The following ROBO1 variants were observed in gnomAD, a reference collection of about 807,000 sequenced individuals.
The protein encoded by ROBO1 is roundabout homolog 1.
In ROBO1, 149 loss-of-function variants were observed where a neutral mutation model predicts 195.9. The observed-to-expected ratio is 0.76, with a 90% CI of 0.67 to 0.87. The LOEUF is 0.87. Among genes scored for constraint, ROBO1 ranks in the 40% least tolerant of loss-of-function variants. The pLI, the probability that ROBO1 is intolerant of heterozygous loss-of-function variation, is 0.00. For synonymous variants in ROBO1, 816 were observed against 733.2 expected, an observed-to-expected ratio of 1.11 and a Z score of -1.82; for missense variants, 1,933 against 2,068.3, an observed-to-expected ratio of 0.93 and a Z score of 1.27.
chr3:79,210,830 C>T (rs2081955086), intron 2 of ROBO1, among the ~76,000 whole-genome samples: 1 of 151,968 alleles, frequency 6.6e-6, no homozygotes, highest in African/African-American at 2.4e-5. Flanking sequence ...GTGTATGGAA[C>T]GATTAGCTTG....
In ROBO1 at chr3:78,617,657, T is replaced by A. The variant is rs758898756; in HGVS notation, c.4260A>T (p.Arg1420=). ...CACCAGCAGCATCCTGCATTTGCCG[T>A]CGTGCTACTTTCAGACCAGCATACT... ...AAEYAGLKVA[R]RQMQDAAGRR... is the part of the protein sequence containing the mutation. Residue 1420 remains arginine (R), a synonymous_variant, in exon 27 of 31, where the codon CGA becomes CGT. Coordinates refer to ENST00000464233, the MANE Select transcript of ROBO1 (RefSeq NM_002941.4). 3.1e-6 allele frequency: 5 copies of A among 1,612,690 alleles called. No homozygotes were observed. Among genetic ancestry groups the A allele is most frequent in the Non-Finnish European group, 2.5e-6 (3 of 1,179,180 alleles).
At chr3:78,853,662 A>T (rs1268227376) in intron 4 of ROBO1, among the ~76,000 whole-genome samples, 1 of 151,968 alleles carries the variant, frequency 6.6e-6, no homozygotes, top group African/African-American at 2.4e-5. Context: ...ATGTGGCTGA[A>T]CCTCATCCAA....
At chr3:79,646,854 G>A (rs1179503327) in intron 1 of ROBO1, among the ~76,000 whole-genome samples, 1 of 151,998 alleles carries the variant, frequency 6.6e-6, no homozygotes, top group Non-Finnish European at 1.5e-5. Flanking sequence ...GGAGGTAAAA[G>A]AGCAGATCCC....
intron 2 of ROBO1, among the ~76,000 whole-genome samples, chr3:79,516,948 T>A (rs771499367): frequency 1.3e-5 from 2 of 152,196 alleles, no homozygotes; most frequent in Admixed American, 6.5e-5. Context: ...CACATGAGAG[T>A]AGGTGTTCCC....
chr3:79,190,903 T>C (rs1280592564), intron 2 of ROBO1, among the ~76,000 whole-genome samples: 1 of 151,558 alleles, frequency 6.6e-6, no homozygotes, highest in Admixed American at 6.6e-5. Flanking sequence ...AATCTTCCCT[T>C]TAAGCTGTTT....
At chr3:78,715,518 C>G (rs1304606181) in intron 7 of ROBO1, among the ~76,000 whole-genome samples, 2 of 152,074 alleles carry the variant, frequency 1.3e-5, no homozygotes, top group Admixed American at 1.3e-4. Flanking sequence ...ATAGTGCTAA[C>G]AAAATTAATT....
intron 4 of ROBO1, among the ~76,000 whole-genome samples, chr3:78,903,002 G>T (rs921814264): frequency 3.0e-4 from 46 of 152,042 alleles, no homozygotes; most frequent in African/African-American, 9.7e-4. Flanking sequence ...AGTAGAAAAA[G>T]ATTTTGAAAA....
chr3:79,040,752 T>A (rs981900711), intron 3 of ROBO1, among the ~76,000 whole-genome samples: 1 of 152,204 alleles, frequency 6.6e-6, no homozygotes, highest in Non-Finnish European at 1.5e-5. Flanking sequence ...ATTCCAGTGG[T>A]TAACTACAAT....
chr3:79,619,234 A>C (rs1944926939), intron 1 of ROBO1, among the ~76,000 whole-genome samples: 1 of 151,994 alleles, frequency 6.6e-6, no homozygotes, highest in African/African-American at 2.4e-5. Flanking sequence ...TTGGCTGCAC[A>C]CCCACATTAC....
chr3:78,704,619 C>A (rs1184022053), intron 8 of ROBO1, among the ~76,000 whole-genome samples: 1 of 143,110 alleles, frequency 7.0e-6, no homozygotes, highest in Admixed American at 7.3e-5. Flanking sequence ...CACACAGACA[C>A]ACACACACGA....
At chr3:79,118,446 A>G (rs1438597980) in intron 3 of ROBO1, among the ~76,000 whole-genome samples, 1 of 151,850 alleles carries the variant, frequency 6.6e-6, no homozygotes, top group Non-Finnish European at 1.5e-5. Flanking sequence ...TTTAAATCTG[A>G]ATTCTTCATA....
At chr3:79,031,449 G>A (rs2078294394) in intron 3 of ROBO1, among the ~76,000 whole-genome samples, 1 of 152,160 alleles carries the variant, frequency 6.6e-6, no homozygotes, top group Admixed American at 6.5e-5. Context: ...CTTTGGAGCA[G>A]GAAAAATAAA....
chr3:78,626,455 A>G (rs1478379760), intron 26 of ROBO1, among the ~76,000 whole-genome samples: 1 of 152,226 alleles, frequency 6.6e-6, no homozygotes, highest in African/African-American at 2.4e-5. Flanking sequence ...AATTCAAGCC[A>G]CAAAAATCGC....
intron 3 of ROBO1, among the ~76,000 whole-genome samples, chr3:79,117,663 A>C (rs2108551698): frequency 6.6e-6 from 1 of 152,344 alleles, no homozygotes; most frequent in South Asian, 2.1e-4. Context: ...TATCACTGCA[A>C]TACCAACCTG....
intron 4 of ROBO1, among the ~76,000 whole-genome samples, chr3:78,817,477 C>G (rs2030200888): frequency 6.6e-6 from 1 of 151,924 alleles, no homozygotes; most frequent in Non-Finnish European, 1.5e-5. Context: ...TTGTGATGGT[C>G]TGGAAATGAA....
chr3:78,645,501 A>G (rs1035509198), intron 21 of ROBO1, among the ~76,000 whole-genome samples: 10 of 151,526 alleles, frequency 6.6e-5, no homozygotes, highest in Non-Finnish European at 1.3e-4. Flanking sequence ...GGCTCATCAC[A>G]TAACTTATAC....
intron 2 of ROBO1, among the ~76,000 whole-genome samples, chr3:79,127,375 G>C (rs541753704): frequency 3.3e-5 from 5 of 152,196 alleles, no homozygotes; most frequent in Admixed American, 3.3e-4. Flanking sequence ...TGCATGAAAC[G>C]GCTTTTAAGA....
chr3:78,799,487 GC>G (rs1447287394), intron 4 of ROBO1, among the ~76,000 whole-genome samples: 1 of 151,796 alleles, frequency 6.6e-6, no homozygotes, highest in Admixed American at 6.6e-5. Flanking sequence ...GACTACAGGC[GC>G]CCACCACCAT....
intron 2 of ROBO1, among the ~76,000 whole-genome samples, chr3:79,126,658 C>G (rs1192016048): frequency 2.0e-5 from 3 of 152,164 alleles, no homozygotes; most frequent in Admixed American, 2.0e-4. Context: ...TCACCTTTAA[C>G]ATTATCTACA....
Sources: gnomAD v4.1 joint callset for allele counts (sites outside exome capture counted in the v4.1 genomes callset) on GRCh38, gnomAD v4.1.1 for gene constraint, MANE v1.5 for transcripts, NCBI Gene and HGNC (gene_info 2026-07-23, HGNC 2026-07-21) for gene names.